TNRC6C: variants seen among roughly 807,000 people sequenced by gnomAD.
TNRC6C encodes trinucleotide repeat containing adaptor 6C.
A neutral mutation model predicts 153.7 loss-of-function variants in TNRC6C; 20 were observed. The ratio of observed to expected loss-of-function variants is 0.13; its 90% CI spans 0.09 to 0.19. The LOEUF is 0.19. TNRC6C is among the 10% of genes least tolerant of loss of function. The pLI is 1.00. For missense variants in TNRC6C, 1,987 were observed against 2,172.0 expected, an observed-to-expected ratio of 0.91 and a Z score of 1.69; for synonymous variants, 811 against 841.4, an observed-to-expected ratio of 0.96 and a Z score of 0.63.
chr17:78,067,919 A>G, exon 5 of TNRC6C: 1 of 1,610,966 alleles, frequency 6.2e-7, no homozygotes, highest in East Asian at 2.2e-5. Flanking sequence ...AAAGGACTTC[A>G]AAAGGTAAGT....
chr17:77,958,539 C>T (rs992752167), upstream of TNRC6C, among the ~76,000 whole-genome samples: 4 of 152,158 alleles, frequency 2.6e-5, no homozygotes, highest in East Asian at 5.8e-4. Flanking sequence ...GGGGGAGGAG[C>T]TCAGGTGCAG....
chr17:78,086,404 T>G (rs555230725), intron 11 of TNRC6C, 99 bp from the exon 14 acceptor site: 138 of 890,182 alleles, frequency 1.6e-4, no homozygotes, highest in Admixed American at 2.4e-5. Context: ...AGTGGCTAGG[T>G]TCTCTTTTTT....
chr17:78,057,118 G>A (rs527439220), intron 3 of TNRC6C, among the ~76,000 whole-genome samples: 41 of 152,144 alleles, frequency 2.7e-4, no homozygotes, highest in Admixed American at 4.6e-4. Flanking sequence ...CCATGTGGAA[G>A]TGTGCTCACA....
chr17:78,088,260 G>A (rs2073331872), intron 13 of TNRC6C, among the ~76,000 whole-genome samples: 1 of 151,930 alleles, frequency 6.6e-6, no homozygotes, highest in Admixed American at 6.6e-5. Flanking sequence ...TCATCCATTA[G>A]AGCCCTTTGT....
chr17:78,031,756 C>T, exon 2 of TNRC6C: 1 of 1,232,262 alleles, frequency 8.1e-7, no homozygotes, highest in Non-Finnish European at 1.0e-6. Context: ...AGTGTGAGCC[C>T]AACCCAGGGT....
At chr17:78,016,161 T>C (rs906806568) in intron 1 of TNRC6C, among the ~76,000 whole-genome samples, 3 of 152,166 alleles carry the variant, frequency 2.0e-5, no homozygotes, top group African/African-American at 7.2e-5. Flanking sequence ...CCCTATTGGC[T>C]CTCTTGACTT....
chr17:78,005,182 T>A (rs2071475282), intron 1 of TNRC6C, 103 bp downstream of exon 3: 1 of 725,686 alleles, frequency 1.4e-6, no homozygotes, highest in Non-Finnish European at 1.9e-6. Flanking sequence ...AACGAGAATC[T>A]AAGCCTGCCT....
intron 1 of TNRC6C, among the ~76,000 whole-genome samples, chr17:78,005,699 C>T (rs1156294645): frequency 6.6e-6 from 1 of 152,148 alleles, no homozygotes; most frequent in Non-Finnish European, 1.5e-5. Flanking sequence ...TGGTTAAGAG[C>T]ACCCACTCAG....
chr17:77,961,100 A>G (rs2070858182), intron 1 of TNRC6C, among the ~76,000 whole-genome samples: 1 of 151,974 alleles, frequency 6.6e-6, no homozygotes, highest in Non-Finnish European at 1.5e-5. Flanking sequence ...GCTTGTTTGT[A>G]ACTCTTCTGT....
intron 13 of TNRC6C, among the ~76,000 whole-genome samples, chr17:78,090,536 G>A (rs778025231): frequency 6.6e-6 from 1 of 152,208 alleles, no homozygotes; most frequent in Non-Finnish European, 1.5e-5. Flanking sequence ...GGAGGGGGGC[G>A]CTTGTGCTGG....
At chr17:77,976,253 T>C (rs1274311743) in intron 1 of TNRC6C, among the ~76,000 whole-genome samples, 1 of 151,614 alleles carries the variant, frequency 6.6e-6, no homozygotes, top group Non-Finnish European at 1.5e-5. Context: ...GTGAGTCAAA[T>C]TTAACCCTAT....
At chr17:78,082,101 C>T (rs368923413) in intron 10 of TNRC6C, among the ~76,000 whole-genome samples, 27 of 150,846 alleles carry the variant, frequency 1.8e-4, no homozygotes, top group African/African-American at 5.1e-4. Context: ...CAGCAGCCTG[C>T]GGTGCAACAG....
Position 78,067,734 on chromosome 17 carries a change from G to A in TNRC6C, c.2612-23G>A, listed in dbSNP as rs553194311. 251 of 1,591,542 alleles carry A rather than the reference G, an allele frequency of 1.6e-4. 2 individuals carry two copies. In the South Asian group the frequency reaches 2.6e-3, roughly 16 times the overall value. ...TGCGTTAGGGACATGAATTTGATAA[G>A]TTCATGTTTGCTCTGTTTCTAGCTT... On this transcript the variant is annotated intron_variant, in intron 4 of 19. Transcript: ENST00000301624.
intron 16 of TNRC6C, among the ~76,000 whole-genome samples, chr17:78,094,817 G>T (rs1186186343): frequency 2.0e-5 from 3 of 152,198 alleles, no homozygotes; most frequent in Non-Finnish European, 4.4e-5. Context: ...AGTACAGATT[G>T]CCCTTTCTGT....
chr17:78,045,831 A>G (rs570478679), intron 2 of TNRC6C, among the ~76,000 whole-genome samples: 2 of 152,122 alleles, frequency 1.3e-5, no homozygotes, highest in South Asian at 4.2e-4. Context: ...TATTTTTTCA[A>G]TAGAAGAAAG....
At chr17:78,084,327 A>G (rs1480197275) in intron 11 of TNRC6C, among the ~76,000 whole-genome samples, 1 of 151,576 alleles carries the variant, frequency 6.6e-6, no homozygotes, top group Non-Finnish European at 1.5e-5. Flanking sequence ...GAAGGAGAAA[A>G]AAAAAAAAAA....
chr17:78,099,465 A>G (rs2073548871), intron 17 of TNRC6C, among the ~76,000 whole-genome samples: 1 of 152,210 alleles, frequency 6.6e-6, no homozygotes, highest in Admixed American at 6.5e-5. Context: ...GGTGAAAGGC[A>G]TGTCTCACAT....
chr17:78,038,646 T>G (rs2072229455), intron 2 of TNRC6C, among the ~76,000 whole-genome samples: 1 of 138,416 alleles, frequency 7.2e-6, no homozygotes, highest in South Asian at 2.2e-4. Context: ...GCCACTGCAC[T>G]CCAGCCTGGG....
At chr17:77,961,336 A>G (rs375790653) in intron 1 of TNRC6C, among the ~76,000 whole-genome samples, 1 of 152,024 alleles carries the variant, frequency 6.6e-6, no homozygotes, top group Admixed American at 6.5e-5. Flanking sequence ...TTGTATTTTT[A>G]GTAGAGACGG....
Sources: gnomAD v4.1 joint callset for allele counts (sites outside exome capture counted in the v4.1 genomes callset) on GRCh38, gnomAD v4.1.1 for gene constraint, MANE v1.5 for transcripts, NCBI Gene and HGNC (gene_info 2026-07-23, HGNC 2026-07-21) for gene names.